The following OPRM1 variants were observed in gnomAD, a reference collection of about 807,000 sequenced individuals.
OPRM1 encodes mu-type opioid receptor.
OPRM1 carries 27 observed loss-of-function variants against 31.8 expected under a neutral mutation model. The ratio of observed to expected loss-of-function variants is 0.85; its 90% CI spans 0.63 to 1.17. The LOEUF (loss-of-function observed/expected upper bound fraction) is 1.17, where lower values mean the gene tolerates loss of function less well. Ranked by LOEUF, OPRM1 falls within the 50% of genes most tolerant of loss-of-function variation. The pLI is 0.00. For missense variants in OPRM1, 536 were observed against 511.1 expected, an observed-to-expected ratio of 1.05 and a Z score of -0.47; for synonymous variants, 196 against 189.9, an observed-to-expected ratio of 1.03 and a Z score of -0.26.
intron 3 of OPRM1, among the ~76,000 whole-genome samples, chr6:154,154,295 C>T (rs1798625916): frequency 6.6e-6 from 1 of 152,214 alleles, no homozygotes. Context: ...TTGTGTACCA[C>T]ATTTTGTAAC....
At chr6:154,016,067 A>G (rs1384172412) in intron 1 of OPRM1, among the ~76,000 whole-genome samples, 2 of 152,136 alleles carry the variant, frequency 1.3e-5, no homozygotes, top group South Asian at 2.1e-4. Flanking sequence ...GCAAAATTAC[A>G]TATGCGTGTA....
intron 3 of OPRM1, among the ~76,000 whole-genome samples, chr6:154,169,760 G>A (rs531891137): frequency 1.3e-5 from 2 of 152,308 alleles, no homozygotes; most frequent in South Asian, 2.1e-4. Flanking sequence ...TGGACTAGAC[G>A]AGGCCAATGG....
intron 3 of OPRM1, among the ~76,000 whole-genome samples, chr6:154,169,433 A>G (rs926912133): frequency 6.6e-6 from 1 of 152,224 alleles, no homozygotes; most frequent in Middle Eastern, 3.2e-3. Context: ...ATCCTGAGAC[A>G]AAATTCATCT....
intron 1 of OPRM1, among the ~76,000 whole-genome samples, chr6:154,028,911 C>A (rs904471625): frequency 6.6e-6 from 1 of 152,154 alleles, no homozygotes; most frequent in African/African-American, 2.4e-5. Flanking sequence ...GTGATATGAA[C>A]TTAAAACCAA....
At chr6:154,246,565 G>C (rs1284901365) in intron 3 of OPRM1, 2 of 1,594,148 alleles carry the variant, frequency 1.3e-6, no homozygotes, top group Non-Finnish European at 1.7e-6. Flanking sequence ...AAACGGCTGG[G>C]AATAGGAGGA....
At chr6:154,025,223 G>T (rs1778627105) in intron 1 of OPRM1, among the ~76,000 whole-genome samples, 1 of 151,930 alleles carries the variant, frequency 6.6e-6, no homozygotes, top group African/African-American at 2.4e-5. Context: ...AAATGTATTT[G>T]AAATTGTTAT....
chr6:154,049,589 TTCC>T (rs1328501226), intron 1 of OPRM1, among the ~76,000 whole-genome samples: 2 of 152,204 alleles, frequency 1.3e-5, no homozygotes, highest in African/African-American at 2.4e-5. Flanking sequence ...ATATAAAATG[TTCC>T]TCAAGGAAAT....
chr6:154,067,146 ATT>A (rs140816156), intron 1 of OPRM1, among the ~76,000 whole-genome samples: 13 of 149,416 alleles, frequency 8.7e-5, no homozygotes, highest in Non-Finnish European at 1.8e-4. Context: ...CACTTTCTCT[ATT>A]TTTTTTTAGT....
At chr6:154,094,097 A>C (rs1792917802) in intron 3 of OPRM1, 4 of 537,846 alleles carry the variant, frequency 7.4e-6, no homozygotes, top group Non-Finnish European at 1.3e-5. Context: ...TTTGAAGTTT[A>C]TATTGGTTGT....
chr6:154,111,534 T>C (rs890254561), intron 3 of OPRM1, among the ~76,000 whole-genome samples: 3 of 152,184 alleles, frequency 2.0e-5, no homozygotes, highest in East Asian at 1.9e-4. Context: ...TTTGCTTCCA[T>C]AGATTGACAA....
Position 154,120,256 on chromosome 6 carries a change from G to A in OPRM1, c.*1535G>A, listed in dbSNP as rs577992726. Among the ~76,000 whole-genome samples, 1 of 152,216 alleles carries A rather than the reference G, an allele frequency of 6.6e-6. No homozygotes were observed. The highest frequency in any genetic ancestry group is 2.1e-4 in the South Asian group (1 of 4,832). On this transcript the variant is annotated 3_prime_UTR_variant, in exon 4 of 4. Coordinates refer to ENST00000330432, the MANE Select transcript of OPRM1 (RefSeq NM_000914.5). The stretch of plus-strand genomic sequence containing the variant: ...TCAATCTGACAAGGCACAAATATGT[G>A]CCAGATATACAAAAGCAATGTTTCT...
At chr6:154,107,651 C>T (rs1168622996) in intron 3 of OPRM1, 5 of 718,440 alleles carry the variant, frequency 7.0e-6, no homozygotes, top group Non-Finnish European at 1.3e-5. Flanking sequence ...ATTCCTGTTC[C>T]CTTGAAGGTG....
intron 3 of OPRM1, chr6:154,214,366 A>T: frequency 1.1e-6 from 1 of 896,066 alleles, no homozygotes; most frequent in South Asian, 1.3e-5. Flanking sequence ...AAATTAGGTC[A>T]TGATTCTACC....
chr6:154,048,820 T>C (rs986357692), intron 1 of OPRM1, among the ~76,000 whole-genome samples: 1 of 152,154 alleles, frequency 6.6e-6, no homozygotes, highest in Non-Finnish European at 1.5e-5. Flanking sequence ...GTTTACAAAC[T>C]TTAAAAAGGG....
At chr6:154,143,506 GAGTGA>G (rs1798275040) in intron 3 of OPRM1, among the ~76,000 whole-genome samples, 1 of 152,222 alleles carries the variant, frequency 6.6e-6, no homozygotes, top group Non-Finnish European at 1.5e-5. Flanking sequence ...CAAGACCACA[GAGTGA>G]AGTGTAAGAA....
At chr6:154,209,672 A>G (rs1455040795) in intron 3 of OPRM1, among the ~76,000 whole-genome samples, 1 of 150,862 alleles carries the variant, frequency 6.6e-6, no homozygotes, top group South Asian at 2.1e-4. Context: ...GTTACTATAT[A>G]TTTTTTTTAT....
At chr6:154,241,590 C>T (rs961789446) in intron 3 of OPRM1, among the ~76,000 whole-genome samples, 2 of 152,056 alleles carry the variant, frequency 1.3e-5, no homozygotes, top group Non-Finnish European at 2.9e-5. Context: ...TATATCCAAG[C>T]GTTCTTCATA....
At chr6:154,142,799 G>A (rs1171430556) in intron 3 of OPRM1, among the ~76,000 whole-genome samples, 4 of 152,154 alleles carry the variant, frequency 2.6e-5, no homozygotes, top group Non-Finnish European at 5.9e-5. Flanking sequence ...AGACTTGCAC[G>A]GATTCCCCTC....
chr6:154,101,367 C>T (rs764278636), intron 3 of OPRM1, among the ~76,000 whole-genome samples: 4 of 152,024 alleles, frequency 2.6e-5, no homozygotes, highest in African/African-American at 4.8e-5. Flanking sequence ...CTTTTAAAAA[C>T]GCTCTCCTTG....
Sources: gnomAD v4.1 joint callset for allele counts (sites outside exome capture counted in the v4.1 genomes callset) on GRCh38, gnomAD v4.1.1 for gene constraint, MANE v1.5 for transcripts, NCBI Gene and HGNC (gene_info 2026-07-23, HGNC 2026-07-21) for gene names.